SLC35F4: variants seen among roughly 807,000 people sequenced by gnomAD.
The protein encoded by SLC35F4 is chromosome 14 open reading frame 36.
A neutral mutation model predicts 44.2 loss-of-function variants in SLC35F4; 24 were observed. That is an observed-to-expected ratio of 0.54 (90% CI 0.39 to 0.76). SLC35F4 has a LOEUF of 0.76. SLC35F4 is among the 30% of genes least tolerant of loss of function. SLC35F4 has a pLI of 0.00. For synonymous variants in SLC35F4, 238 were observed against 223.6 expected (o/e 1.06, Z -0.57); for missense variants, 562 against 586.1 (o/e 0.96, Z 0.42).
chr14:57,626,463 G>A lies in SLC35F4; in HGVS notation c.104-32339C>T, dbSNP rs536787873. On this transcript the variant is annotated intron_variant, in intron 1 of 7. Transcript: ENST00000556826. The stretch of plus-strand genomic sequence containing the variant: ...TAGGAAGATGTATGTGCTCTGATAG[G>A]AGCTCTTTATCTGGGGTCCAGGGAC... 1.1e-4 allele frequency among the ~76,000 whole-genome samples: 16 copies of A among 152,072 alleles called. 1 individual carries two copies. In the South Asian group the frequency reaches 3.1e-3, roughly 30 times the overall value.
At chr14:57,651,109 C>G (rs2073767936) in intron 1 of SLC35F4, among the ~76,000 whole-genome samples, 1 of 152,154 alleles carries the variant, frequency 6.6e-6, no homozygotes, top group African/African-American at 2.4e-5. Flanking sequence ...TATAGTGCCT[C>G]CCTCTCCCAT....
intron 1 of SLC35F4, among the ~76,000 whole-genome samples, chr14:57,617,183 T>G (rs2140075648): frequency 7.8e-6 from 1 of 128,248 alleles, no homozygotes; most frequent in East Asian, 2.2e-4. Flanking sequence ...CAGGCTGGAG[T>G]GCAGCGGTGT....
At chr14:57,685,874 T>C (rs552309529) in intron 1 of SLC35F4, among the ~76,000 whole-genome samples, 24 of 152,330 alleles carry the variant, frequency 1.6e-4, no homozygotes, top group African/African-American at 5.8e-4. Context: ...CAGAAGTCTT[T>C]ATCATCTGGT....
At chr14:57,846,546 T>A (rs1886040888) in intron 1 of SLC35F4, among the ~76,000 whole-genome samples, 1 of 152,134 alleles carries the variant, frequency 6.6e-6, no homozygotes, top group African/African-American at 2.4e-5. Flanking sequence ...GAAAACAAAA[T>A]CAATTTTTGT....
intron 3 of SLC35F4, among the ~76,000 whole-genome samples, chr14:57,583,593 G>A (rs238393): frequency 0.25 from 38,491 of 152,096 alleles, 5,312 homozygotes; most frequent in East Asian, 0.64. Context: ...CACTGGCAGA[G>A]CAGCTGGGAA....
intron 1 of SLC35F4, among the ~76,000 whole-genome samples, chr14:57,865,296 C>G (rs1327834174): frequency 6.6e-6 from 1 of 152,104 alleles, no homozygotes; most frequent in Non-Finnish European, 1.5e-5. Flanking sequence ...CCCGAGCCTC[C>G]CCAGCCTGCG....
intron 1 of SLC35F4, among the ~76,000 whole-genome samples, chr14:57,923,202 C>T (rs1414260): frequency 0.21 from 31,927 of 151,980 alleles, 3,483 homozygotes; most frequent in East Asian, 0.27. Flanking sequence ...CCTTCAAACA[C>T]TTTCTCAAAG....
chr14:57,758,837 G>C (rs7154287), intron 1 of SLC35F4, among the ~76,000 whole-genome samples: 111,110 of 152,032 alleles, frequency 0.73, 40,729 homozygotes, highest in East Asian at 0.82. Context: ...ATCTCTAGAA[G>C]CTATTCTTCT....
intron 1 of SLC35F4, among the ~76,000 whole-genome samples, chr14:57,921,317 A>G (rs1025154515): frequency 6.6e-6 from 1 of 152,214 alleles, no homozygotes; most frequent in Non-Finnish European, 1.5e-5. Context: ...GTATCAAGAC[A>G]CTGGAAGTCA....
Position 57,804,629 on chromosome 14 carries a change from T to C in SLC35F4, c.103+61094A>G, listed in dbSNP as rs144617674. Among the ~76,000 whole-genome samples, 28 of 152,286 alleles carry C rather than the reference T, an allele frequency of 1.8e-4. 2 individuals are homozygous for C. The highest frequency in any genetic ancestry group is 6.7e-4 in the African/African-American group (28 of 41,552). On this transcript the variant is annotated intron_variant, in intron 1 of 7. Coordinates refer to ENST00000556826, the MANE Select transcript of SLC35F4 (RefSeq NM_001306087.2). ...TATATAAAAATTACCTCAAGATGGATTAAGGACTTAAATGTAAAACCCAAA... is the reference window on the plus strand; with the variant it reads ...TATATAAAAATTACCTCAAGATGGACTAAGGACTTAAATGTAAAACCCAAA...
At chr14:57,878,739 G>A (rs1028083825) in intron 1 of SLC35F4, among the ~76,000 whole-genome samples, 1 of 151,532 alleles carries the variant, frequency 6.6e-6, no homozygotes, top group Admixed American at 6.6e-5. Context: ...TTTTTTTATT[G>A]TTGTTGTTCA....
chr14:57,747,396 T>C (rs1444327249), intron 1 of SLC35F4, among the ~76,000 whole-genome samples: 1 of 152,196 alleles, frequency 6.6e-6, no homozygotes, highest in Non-Finnish European at 1.5e-5. Context: ...GTCTTAAGTA[T>C]ATTACTAAGG....
intron 1 of SLC35F4, among the ~76,000 whole-genome samples, chr14:57,798,376 C>T (rs543644936): frequency 4.6e-5 from 7 of 152,006 alleles, no homozygotes; most frequent in Non-Finnish European, 8.8e-5. Flanking sequence ...CATACACGAA[C>T]GACAGCAGGA....
chr14:57,656,376 TACACACACAC>T (rs3054456), intron 1 of SLC35F4, among the ~76,000 whole-genome samples: 3,109 of 73,984 alleles, frequency 0.042, 51 homozygotes, highest in African/African-American at 0.061. Context: ...TATATATATA[TACACACACAC>T]ACACACACAC....
chr14:57,934,270 G>T (rs1367702526), intron 1 of SLC35F4, among the ~76,000 whole-genome samples: 1 of 150,844 alleles, frequency 6.6e-6, no homozygotes, highest in Admixed American at 6.6e-5. Context: ...CTAGGTTGTG[G>T]GGAGTGGGAT....
intron 1 of SLC35F4, among the ~76,000 whole-genome samples, chr14:57,950,675 C>CTTTTTTTTTTTTTTTTTTTT (rs59027196): frequency 7.9e-6 from 1 of 127,168 alleles, no homozygotes. Context: ...TTCTTTCTTT[C>CTTTTTTTTTTTTTTTTTTTT]TTTTTTTTTT....
chr14:57,760,117 A>G (rs1370826447), intron 1 of SLC35F4, among the ~76,000 whole-genome samples: 1 of 152,068 alleles, frequency 6.6e-6, no homozygotes, highest in African/African-American at 2.4e-5. Context: ...TCCAATGTCA[A>G]AGAGCTTTTT....
At chr14:57,845,104 C>T (rs568292028) in intron 1 of SLC35F4, among the ~76,000 whole-genome samples, 3 of 152,254 alleles carry the variant, frequency 2.0e-5, no homozygotes, top group African/African-American at 7.2e-5. Context: ...GTTAAGGGTA[C>T]CCTACTAAAA....
chr14:57,763,557 A>G (rs947762498), intron 1 of SLC35F4, among the ~76,000 whole-genome samples: 8 of 152,188 alleles, frequency 5.3e-5, no homozygotes, highest in African/African-American at 1.7e-4. Context: ...GATAATGTCT[A>G]TTAAGCTGTT....
Sources: gnomAD v4.1 joint callset for allele counts (sites outside exome capture counted in the v4.1 genomes callset) on GRCh38, gnomAD v4.1.1 for gene constraint, MANE v1.5 for transcripts, NCBI Gene and HGNC (gene_info 2026-07-23, HGNC 2026-07-21) for gene names.